Variants in CAMK4 observed in about 807,000 individuals in gnomAD.
CAMK4 encodes calcium/calmodulin dependent protein kinase IV.
A neutral mutation model predicts 44.9 loss-of-function variants in CAMK4; 22 were observed. That is an observed-to-expected ratio of 0.49 (90% confidence interval 0.35 to 0.70). CAMK4 has a LOEUF of 0.70. Among genes scored for constraint, CAMK4 ranks in the 30% least tolerant of loss-of-function variants. The pLI, the probability that CAMK4 is intolerant of heterozygous loss-of-function variation, is 0.01. For missense variants in CAMK4, 498 were observed against 586.8 expected, an observed-to-expected ratio of 0.85 and a Z score of 1.56; for synonymous variants, 218 against 215.4, an observed-to-expected ratio of 1.01 and a Z score of -0.11.
rs1408632508 is a variant in CAMK4, at chr5:111,486,744, G to A, written c.*2278G>A. ...ATAGAAACAACGTTGCAAATACCATGCCCAATGTGTATTTTAGAATTTACT... is the reference window on the plus strand; with the variant it reads ...ATAGAAACAACGTTGCAAATACCATACCCAATGTGTATTTTAGAATTTACT... On this transcript the variant is annotated 3_prime_UTR_variant, in exon 11 of 11. Transcript: ENST00000282356. 1 of 152,046 alleles carries A rather than the reference G, an allele frequency of 6.6e-6. No homozygotes were observed. The highest frequency in any genetic ancestry group is 2.4e-5 in the African/African-American group (1 of 41,382). 9.4% of individuals were successfully genotyped at this position (152,046 alleles called of 1,614,324 possible). A position where few individuals can be genotyped will look rare whatever the true frequency, so the allele number is the denominator to read the frequency against.
At chr5:111,405,432 C>T (rs1050433698) in intron 5 of CAMK4, among the ~76,000 whole-genome samples, 1 of 152,042 alleles carries the variant, frequency 6.6e-6, no homozygotes, top group African/African-American at 2.4e-5. Context: ...TGCACCACCG[C>T]ACTCCAGTAT....
intron 1 of CAMK4, chr5:111,269,844 C>G (rs1750427053): frequency 6.6e-6 from 1 of 152,296 alleles, no homozygotes; most frequent in East Asian, 1.9e-4. Flanking sequence ...ACTTCCTCAG[C>G]CAACACACAG....
chr5:111,309,994 C>T (rs946359398), intron 1 of CAMK4, among the ~76,000 whole-genome samples: 33 of 152,314 alleles, frequency 2.2e-4, no homozygotes, highest in African/African-American at 7.7e-4. Context: ...AATGAGTAGA[C>T]AGCAGGGTTC....
chr5:111,398,543 G>A (rs1337190963), intron 5 of CAMK4, among the ~76,000 whole-genome samples: 1 of 152,134 alleles, frequency 6.6e-6, no homozygotes, highest in African/African-American at 2.4e-5. Flanking sequence ...TTGAATGACA[G>A]TCTGTTGTTT....
intron 1 of CAMK4, among the ~76,000 whole-genome samples, chr5:111,332,901 G>C (rs984206952): frequency 1.3e-5 from 2 of 151,740 alleles, no homozygotes; most frequent in South Asian, 2.1e-4. Flanking sequence ...AAACCGAAAT[G>C]TCCATCAAAG....
rs1748183634 is a variant in CAMK4 at position 111,311,102 on chromosome 5, G to A, written c.162-32922G>A. Among the ~76,000 whole-genome samples, 5 of 152,306 alleles carry A rather than the reference G, an allele frequency of 3.3e-5. No individual in the cohort carries two copies. The South Asian group carries it at 1.0e-3, about 32-fold the overall frequency. ...TGTCATCAACCTTTTTATAGTGAGA[G>A]CATTACCTGGGTGAAGGTAAAATCT... On this transcript the variant is annotated intron_variant, in intron 1 of 10. Coordinates refer to ENST00000282356, the MANE Select transcript of CAMK4 (RefSeq NM_001744.6).
intron 1 of CAMK4, among the ~76,000 whole-genome samples, chr5:111,248,526 A>T (rs1342282581): frequency 6.6e-6 from 1 of 151,786 alleles, no homozygotes; most frequent in South Asian, 2.1e-4. Flanking sequence ...CATGAAAAAA[A>T]AAAACAGGAC....
intron 2 of CAMK4, among the ~76,000 whole-genome samples, chr5:111,358,421 A>C (rs1750458106): frequency 6.6e-6 from 1 of 152,036 alleles, no homozygotes. Context: ...GTCACAGGAT[A>C]AATTCAGTTA....
rs894726712 is a variant in CAMK4, at chr5:111,405,782, G to A, written c.459+11000G>A. The stretch of plus-strand genomic sequence containing the variant: ...TCACCCTGATGGCAGCATGAAGTCC[G>A]AAAGCAGTGGAGAGGATATTAAAAA... On this transcript the variant is annotated intron_variant, in intron 5 of 10. Transcript: ENST00000282356. 1.1e-4 allele frequency among the ~76,000 whole-genome samples: 17 copies of A among 152,236 alleles called. 1 individual carries two copies. In the East Asian group the frequency reaches 1.4e-3, roughly 12 times the overall value.
intron 2 of CAMK4, among the ~76,000 whole-genome samples, chr5:111,374,395 C>G (rs994623613): frequency 2.0e-5 from 3 of 152,082 alleles, no homozygotes; most frequent in Non-Finnish European, 2.9e-5. Flanking sequence ...ATATTCCTAA[C>G]CCTATCACAA....
In CAMK4 at chr5:111,290,125, T is replaced by G. The variant is rs2112622784; in HGVS notation, c.162-53899T>G. On this transcript the variant is annotated intron_variant, in intron 1 of 10. Transcript: ENST00000282356. This position sits in a 1 kb window ranked among gnomAD's most constrained non-coding sequence, Gnocchi z 4.5. ...TGCATTCAAGGCCTGTCAAGTATCG[T>G]ATATATGCCATTGGTTCAACACATA... is the stretch of plus-strand genomic sequence containing the variant. 6.6e-6 allele frequency among the ~76,000 whole-genome samples: 1 copy of G among 152,286 alleles called. No homozygotes were observed. The highest frequency in any genetic ancestry group is 2.1e-4 in the South Asian group (1 of 4,826).
intron 1 of CAMK4, among the ~76,000 whole-genome samples, chr5:111,247,062 TATCA>T (rs1372228764): frequency 2.0e-5 from 3 of 152,070 alleles, no homozygotes; most frequent in Non-Finnish European, 2.9e-5. Context: ...CGGGATGTTT[TATCA>T]ATCAGAGTTT....
intron 1 of CAMK4, among the ~76,000 whole-genome samples, chr5:111,338,580 A>G (rs368074257): frequency 6.6e-6 from 1 of 151,416 alleles, no homozygotes; most frequent in African/African-American, 2.4e-5. Flanking sequence ...ATTTTCTTCT[A>G]GGATTCTTAA....
intron 5 of CAMK4, among the ~76,000 whole-genome samples, chr5:111,441,749 C>G (rs1580757366): frequency 6.6e-6 from 1 of 152,230 alleles, no homozygotes; most frequent in Admixed American, 6.5e-5. Context: ...GTGCATTTAT[C>G]TATTTATGTT....
intron 5 of CAMK4, among the ~76,000 whole-genome samples, chr5:111,431,942 A>G (rs1753459289): frequency 6.6e-6 from 1 of 151,996 alleles, no homozygotes; most frequent in Non-Finnish European, 1.5e-5. Context: ...CACCATAAAG[A>G]ACAGGTTCCT....
chr5:111,278,183 A>T lies in CAMK4; in HGVS notation c.161+53539A>T, dbSNP rs912121818. On this transcript the variant is annotated intron_variant, in intron 1 of 10. Transcript: ENST00000282356. ...TTTCCTTTTGCTGCCCTCCTACAGG[A>T]ATAATTCTAGTGCTTTGCACAATGC... is the stretch of plus-strand genomic sequence containing the variant. Among the ~76,000 whole-genome samples the T allele has an allele frequency of 2.0e-5, 3 of 152,326 alleles. No individual in the cohort carries two copies. In the South Asian group the frequency reaches 6.2e-4, roughly 32 times the overall value.
intron 7 of CAMK4, among the ~76,000 whole-genome samples, chr5:111,460,795 G>C (rs1283437651): frequency 6.6e-6 from 1 of 151,950 alleles, no homozygotes; most frequent in Non-Finnish European, 1.5e-5. Flanking sequence ...AAGATAGGAA[G>C]GCTCAATGGA....
At chr5:111,376,966 C>A in intron 4 of CAMK4, 24 bp downstream of exon 4, 1 of 1,487,254 alleles carries the variant, frequency 6.7e-7, no homozygotes, top group Non-Finnish European at 9.2e-7. Context: ...GGAAATATAA[C>A]CACAGAAAGG....
chr5:111,436,411 A>G (rs1753648764), intron 5 of CAMK4, among the ~76,000 whole-genome samples: 1 of 152,056 alleles, frequency 6.6e-6, no homozygotes, highest in Non-Finnish European at 1.5e-5. Context: ...CTAACCTGAC[A>G]CCCCTGGATT....
Sources: allele counts gnomAD v4.1 joint callset (sites outside exome capture counted in the v4.1 genomes callset), GRCh38; gene constraint gnomAD v4.1.1; non-coding constraint Gnocchi (gnomAD v3.1); transcripts MANE v1.5; gene names NCBI Gene and HGNC (gene_info 2026-07-23, HGNC 2026-07-21).